GLI2: variants seen among roughly 807,000 people sequenced by gnomAD.
GLI2 encodes GLI family zinc finger 2.
In GLI2, 22 loss-of-function variants were observed where a neutral mutation model predicts 78.9. The observed-to-expected ratio is 0.28, with a 90% CI of 0.20 to 0.40. The LOEUF is 0.40. Ranked by LOEUF, GLI2 falls within the 10% of genes least tolerant of loss-of-function variation. The pLI, the probability that GLI2 is intolerant of heterozygous loss-of-function variation, is 1.00. For synonymous variants in GLI2, 974 were observed against 963.7 expected, an observed-to-expected ratio of 1.01 and a Z score of -0.20; for missense variants, 2,097 against 2,213.2, an observed-to-expected ratio of 0.95 and a Z score of 1.05.
intron 2 of GLI2, among the ~76,000 whole-genome samples, chr2:120,798,709 A>G (rs529166735): frequency 5.3e-5 from 8 of 152,116 alleles, no homozygotes; most frequent in Admixed American, 3.9e-4. Flanking sequence ...AGGAGGGGCC[A>G]GCTGGGGGTG....
At chr2:120,751,520 T>C (rs761841643) in intron 1 of GLI2, among the ~76,000 whole-genome samples, 2 of 152,216 alleles carry the variant, frequency 1.3e-5, no homozygotes, top group Non-Finnish European at 2.9e-5. Flanking sequence ...AACACGCTTA[T>C]ATATAAATAC....
chr2:120,855,230 T>C (rs1687590859), intron 2 of GLI2, among the ~76,000 whole-genome samples: 1 of 152,212 alleles, frequency 6.6e-6, no homozygotes, highest in South Asian at 2.1e-4. Flanking sequence ...AAATGGTCCC[T>C]GGGAGGTCCC....
At chr2:120,775,257 A>G (rs1345185726) in intron 1 of GLI2, among the ~76,000 whole-genome samples, 1 of 152,234 alleles carries the variant, frequency 6.6e-6, no homozygotes, top group Non-Finnish European at 1.5e-5. Context: ...ATTTTAATTG[A>G]GATGCACGCT....
chr2:120,748,833 GATT>G (rs1489051908), intron 1 of GLI2, among the ~76,000 whole-genome samples: 1 of 151,276 alleles, frequency 6.6e-6, no homozygotes, highest in Non-Finnish European at 1.5e-5. Context: ...TTGAGATTAA[GATT>G]ATAGTGATCT....
intron 5 of GLI2, among the ~76,000 whole-genome samples, chr2:120,956,448 C>G (rs1558913209): frequency 6.6e-6 from 1 of 152,082 alleles, no homozygotes; most frequent in Non-Finnish European, 1.5e-5. Flanking sequence ...CACCTGTGAC[C>G]CTCTGACCAT....
intron 2 of GLI2, among the ~76,000 whole-genome samples, chr2:120,873,635 T>A (rs278310): frequency 0.45 from 68,690 of 152,042 alleles, 17,728 homozygotes; most frequent in East Asian, 0.75. Context: ...GTCTTGGGGA[T>A]CCCCAGGGCT....
chr2:120,913,206 T>C (rs1461950506), intron 2 of GLI2, among the ~76,000 whole-genome samples: 1 of 152,214 alleles, frequency 6.6e-6, no homozygotes, highest in Non-Finnish European at 1.5e-5. Flanking sequence ...TCAATAATGA[T>C]AACGAGTTAG....
intron 2 of GLI2, among the ~76,000 whole-genome samples, chr2:120,897,514 G>A (rs1489621462): frequency 1.3e-5 from 2 of 152,202 alleles, no homozygotes; most frequent in African/African-American, 4.8e-5. Context: ...TGTAAGGAGG[G>A]CAAAGATTGT....
intron 1 of GLI2, among the ~76,000 whole-genome samples, chr2:120,786,774 A>G (rs1264129758): frequency 6.6e-6 from 1 of 152,072 alleles, no homozygotes; most frequent in African/African-American, 2.4e-5. Flanking sequence ...TTAGAAGTCG[A>G]TTACTGCACT....
chr2:120,773,121 A>C (rs1683569382), intron 1 of GLI2, among the ~76,000 whole-genome samples: 1 of 152,218 alleles, frequency 6.6e-6, no homozygotes, highest in African/African-American at 2.4e-5. Flanking sequence ...TCCTGTGACA[A>C]ACAACTTTGT....
At chr2:120,886,797 A>G (rs1400345575) in intron 2 of GLI2, among the ~76,000 whole-genome samples, 2 of 152,234 alleles carry the variant, frequency 1.3e-5, no homozygotes, top group African/African-American at 4.8e-5. Context: ...AAGGAACCCC[A>G]GACGTTGCTG....
intron 1 of GLI2, among the ~76,000 whole-genome samples, chr2:120,782,487 T>C (rs6745176): frequency 0.036 from 5,543 of 152,308 alleles, 305 homozygotes; most frequent in African/African-American, 0.12. Flanking sequence ...ACAAGATAAC[T>C]GAGGTGTGGC....
intron 2 of GLI2, among the ~76,000 whole-genome samples, chr2:120,922,166 A>T (rs1380608409): frequency 6.6e-6 from 1 of 152,196 alleles, no homozygotes; most frequent in Non-Finnish European, 1.5e-5. Flanking sequence ...CCACATAGCA[A>T]ATGCTTGATA....
chr2:120,824,190 C>A (rs1666155567), intron 2 of GLI2, among the ~76,000 whole-genome samples: 1 of 152,162 alleles, frequency 6.6e-6, no homozygotes, highest in South Asian at 2.1e-4. Context: ...TCACTTACCC[C>A]ACATCACGTA....
chr2:120,940,442 C>T (rs1209380394), intron 3 of GLI2, among the ~76,000 whole-genome samples: 2 of 152,190 alleles, frequency 1.3e-5, no homozygotes, highest in East Asian at 3.8e-4. Context: ...CTATACTACT[C>T]ACCACCTCCA....
Position 120,841,848 on chromosome 2 carries a change from G to GGTGTGTGTGTGTGTGTGTGTGTGTGTGT in GLI2, c.148+44394_148+44421dup, listed in dbSNP as rs555474895. 1.8e-3 allele frequency among the ~76,000 whole-genome samples: 240 copies of GGTGTGTGTGTGTGTGTGTGTGTGTGTGT among 132,672 alleles called. 1 individual carries two copies. The highest frequency in any genetic ancestry group is 0.012 in the Middle Eastern group (3 of 248). 87.0% of individuals were successfully genotyped at this position (132,672 alleles called of 152,430 possible). On this transcript the variant is annotated intron_variant, in intron 2 of 13. Transcript: ENST00000361492. ...AGGACCATTGCAAGCCAGTCTGGAGGGTGTGTGTGTGTGTGTGTGTGTGTG... is the reference window on the plus strand; with the variant it reads ...AGGACCATTGCAAGCCAGTCTGGAGGGTGTGTGTGTGTGTGTGTGTGTGTGTGTGTGTGTGTGTGTGTGTGTGTGTGTG...
intron 2 of GLI2, among the ~76,000 whole-genome samples, chr2:120,828,422 A>C (rs888647990): frequency 6.6e-6 from 1 of 152,252 alleles, no homozygotes; most frequent in Non-Finnish European, 1.5e-5. Context: ...TTAGAAATTT[A>C]AACCTGATTT....
intron 2 of GLI2, 39 bp from the exon 3 acceptor site, chr2:120,927,322 A>T: frequency 2.1e-6 from 3 of 1,423,120 alleles, no homozygotes; most frequent in Non-Finnish European, 3.0e-6. Flanking sequence ...AGGGAGGGGG[A>T]AAGTTTTTGA....
chr2:120,790,583 A>G (rs970527258), intron 1 of GLI2, among the ~76,000 whole-genome samples: 3 of 152,252 alleles, frequency 2.0e-5, no homozygotes, highest in African/African-American at 7.2e-5. Context: ...TGGCTGGAAG[A>G]GGGGGAGTCA....
Sources: gnomAD v4.1 joint callset for allele counts (sites outside exome capture counted in the v4.1 genomes callset) on GRCh38, gnomAD v4.1.1 for gene constraint, MANE v1.5 for transcripts, NCBI Gene and HGNC (gene_info 2026-07-23, HGNC 2026-07-21) for gene names.